The following CEP112 variants were observed in gnomAD, a reference collection of about 807,000 sequenced individuals.
CEP112 encodes the protein centrosomal protein of 112 kDa.
Under a neutral mutation model 153.0 loss-of-function variants are expected in CEP112, and 127 were observed. The ratio of observed to expected loss-of-function variants is 0.83; its 90% CI spans 0.72 to 0.96. CEP112 has a LOEUF of 0.96. Ranked by LOEUF, CEP112 falls within the 40% of genes least tolerant of loss-of-function variation. The probability of loss-of-function intolerance (pLI) is 0.00; values close to 1 mark genes in which losing one functional copy is unlikely to be tolerated. For synonymous variants in CEP112, 358 were observed against 374.4 expected (o/e 0.96, Z 0.51); for missense variants, 1,089 against 1,101.2 (o/e 0.99, Z 0.16).
chr17:66,094,722 A>G (rs890258132), intron 8 of CEP112, among the ~76,000 whole-genome samples: 1 of 152,202 alleles, frequency 6.6e-6, no homozygotes, highest in Non-Finnish European at 1.5e-5. Flanking sequence ...AGCCTACACA[A>G]TGAGAAAAAT....
chr17:66,034,966 G>GTT (rs2065651600), intron 12 of CEP112, among the ~76,000 whole-genome samples: 1 of 28,122 alleles, frequency 3.6e-5, no homozygotes, highest in Non-Finnish European at 9.0e-5. Context: ...GCCCAGCTAA[G>GTT]TTTTTGCATG....
At chr17:65,676,229 G>A (rs909954697) in intron 24 of CEP112, among the ~76,000 whole-genome samples, 1 of 151,832 alleles carries the variant, frequency 6.6e-6, no homozygotes, top group Non-Finnish European at 1.5e-5. Flanking sequence ...TTGGGAGGCT[G>A]AGGCAGGGGA....
intron 13 of CEP112, 74 bp from the exon 14 acceptor site, chr17:66,029,326 TA>T: frequency 5.1e-5 from 37 of 726,164 alleles, no homozygotes; most frequent in Non-Finnish European, 5.9e-5. Flanking sequence ...TTTAATCAGC[TA>T]AATCCAAATA....
intron 16 of CEP112, among the ~76,000 whole-genome samples, chr17:66,010,830 C>G (rs1404829751): frequency 2.0e-5 from 3 of 152,240 alleles, no homozygotes; most frequent in African/African-American, 7.2e-5. Flanking sequence ...GGTGAATTAG[C>G]TTTTTGATGT....
intron 21 of CEP112, among the ~76,000 whole-genome samples, chr17:65,838,035 T>C (rs950725149): frequency 2.0e-5 from 3 of 152,084 alleles, no homozygotes; most frequent in African/African-American, 7.2e-5. Context: ...ACTATTGTCC[T>C]ATGACCCTGC....
intron 24 of CEP112, among the ~76,000 whole-genome samples, chr17:65,671,038 T>C (rs996977737): frequency 6.6e-6 from 1 of 151,902 alleles, no homozygotes. Context: ...AATATAAATA[T>C]ATAAATATCC....
intron 20 of CEP112, among the ~76,000 whole-genome samples, chr17:65,882,388 T>C (rs1325926484): frequency 6.6e-6 from 1 of 152,260 alleles, no homozygotes; most frequent in Non-Finnish European, 1.5e-5. Flanking sequence ...GTAGTACATG[T>C]TGGGCAAATA....
intron 1 of CEP112, among the ~76,000 whole-genome samples, chr17:66,188,626 A>G (rs2146953748): frequency 6.6e-6 from 1 of 150,432 alleles, no homozygotes; most frequent in East Asian, 2.0e-4. Flanking sequence ...TTATGCATAC[A>G]TCTTCCATTA....
chr17:66,139,282 G>A (rs2070579600), intron 4 of CEP112, among the ~76,000 whole-genome samples: 3 of 152,210 alleles, frequency 2.0e-5, no homozygotes, highest in Admixed American at 2.0e-4. Flanking sequence ...AGAAATGAAA[G>A]ATAAGACATT....
intron 21 of CEP112, among the ~76,000 whole-genome samples, chr17:65,786,033 G>A (rs1045559515): frequency 6.6e-6 from 1 of 151,984 alleles, no homozygotes; most frequent in South Asian, 2.1e-4. Context: ...TCTTAACAAC[G>A]TTAAGTTTTC....
chr17:65,946,869 C>T (rs1232456112), intron 18 of CEP112, among the ~76,000 whole-genome samples: 3 of 152,080 alleles, frequency 2.0e-5, no homozygotes, highest in African/African-American at 7.2e-5. Context: ...TTTCTCTCAA[C>T]AACACTTTCT....
intron 24 of CEP112, among the ~76,000 whole-genome samples, chr17:65,675,378 G>T (rs760314042): frequency 3.3e-5 from 5 of 152,154 alleles, no homozygotes; most frequent in Non-Finnish European, 7.3e-5. Flanking sequence ...GCTAATTTTT[G>T]TATTTTTATT....
chr17:65,660,752 T>A (rs577934082), intron 24 of CEP112, among the ~76,000 whole-genome samples: 1 of 151,958 alleles, frequency 6.6e-6, no homozygotes, highest in Non-Finnish European at 1.5e-5. Context: ...TTTTGCCATG[T>A]TGCCCAGCCC....
At chr17:65,769,951 G>GA (rs1268339769) in intron 21 of CEP112, among the ~76,000 whole-genome samples, 1 of 151,924 alleles carries the variant, frequency 6.6e-6, no homozygotes, top group Non-Finnish European at 1.5e-5. Context: ...ATATCCAAAT[G>GA]GTTCCCAGAG....
chr17:66,005,595 T>C (rs2064239926), intron 17 of CEP112, 95 bp downstream of exon 17: 2 of 1,404,988 alleles, frequency 1.4e-6, no homozygotes, highest in African/African-American at 1.5e-5. Flanking sequence ...AGCAAAGCTC[T>C]TATAAAAATA....
At position 66,175,204 on chromosome 17, in the gene CEP112, CA is replaced by C; in HGVS notation, c.309del (p.Phe103LeufsTer32). On this transcript the variant is annotated frameshift_variant, in exon 4 of 27. Coordinates refer to ENST00000535342, the MANE Select transcript of CEP112 (RefSeq NM_001199165.4). LOFTEE classifies it high-confidence loss of function. Reference protein sequence around the residue: ...KILPSYMSIYFDEPNPARAKG... With the variant: ...KILPSYMSIYXDEPNPARAKG... ...TTTGCTCGTGCTGGATTTGGTTCAT[CA>C]AAATAGATGGACTGATTTTTTAAAA... 1 of 1,581,310 alleles carries C rather than the reference CA, an allele frequency of 6.3e-7. No homozygotes were observed. Among genetic ancestry groups the C allele is most frequent in the Non-Finnish European group, 8.6e-7 (1 of 1,166,160 alleles).
At chr17:65,667,981 C>T (rs2046782406) in intron 24 of CEP112, among the ~76,000 whole-genome samples, 1 of 151,688 alleles carries the variant, frequency 6.6e-6, no homozygotes, top group Non-Finnish European at 1.5e-5. Context: ...ACTGCAACCT[C>T]AGCCTCCCAG....
intron 19 of CEP112, among the ~76,000 whole-genome samples, chr17:65,924,519 T>C (rs1236960969): frequency 1.3e-5 from 2 of 152,212 alleles, no homozygotes; most frequent in African/African-American, 4.8e-5. Context: ...TGTGCATATG[T>C]GTCTGCATAC....
intron 21 of CEP112, among the ~76,000 whole-genome samples, chr17:65,754,755 C>T (rs569600225): frequency 7.6e-4 from 115 of 152,244 alleles, no homozygotes; most frequent in Non-Finnish European, 1.3e-3. Context: ...CGGTGTTGAA[C>T]GTGATTGTAA....
Sources: gnomAD v4.1 joint callset for allele counts (sites outside exome capture counted in the v4.1 genomes callset) on GRCh38, gnomAD v4.1.1 for gene constraint, MANE v1.5 for transcripts, NCBI Gene and HGNC (gene_info 2026-07-23, HGNC 2026-07-21) for gene names.